Variants in NMRAL1 observed in about 807,000 individuals in gnomAD.
The protein encoded by NMRAL1 is NmrA like redox sensor 1, also known as nmrA-like family domain-containing protein 1.
Under a neutral mutation model 27.5 loss-of-function variants are expected in NMRAL1, and 32 were observed. That is an observed-to-expected ratio of 1.16 (90% CI 0.88 to 1.56). The LOEUF is 1.56. NMRAL1 is among the 40% of genes most tolerant of loss of function. The pLI is 0.00. For synonymous variants in NMRAL1, 166 were observed against 166.8 expected, an observed-to-expected ratio of 1.00 and a Z score of 0.04; for missense variants, 420 against 392.0, an observed-to-expected ratio of 1.07 and a Z score of -0.60.
intron 2 of NMRAL1, among the ~76,000 whole-genome samples, chr16:4,472,271 G>T (rs375412967): frequency 6.6e-6 from 1 of 151,882 alleles, no homozygotes; most frequent in South Asian, 2.1e-4. Flanking sequence ...GTGAAACCCC[G>T]TCTCTACTAA....
intron 2 of NMRAL1, among the ~76,000 whole-genome samples, chr16:4,473,195 C>T (rs1398704248): frequency 6.6e-6 from 1 of 151,940 alleles, no homozygotes; most frequent in African/African-American, 2.4e-5. Flanking sequence ...TCTCAAACAC[C>T]TCAGCTCAAG....
At chr16:4,473,467 C>T (rs1256194655) in intron 2 of NMRAL1, among the ~76,000 whole-genome samples, 3 of 152,014 alleles carry the variant, frequency 2.0e-5, no homozygotes, top group African/African-American at 7.2e-5. Context: ...AAATAATATG[C>T]TATCATTTGA....
intron 5 of NMRAL1, 62 bp downstream of exon 5, chr16:4,463,598 T>A (rs780085734): frequency 9.2e-5 from 139 of 1,508,570 alleles, no homozygotes; most frequent in Non-Finnish European, 1.2e-4. Context: ...GGACACACCC[T>A]CCCTACGGGA....
intron 4 of NMRAL1, among the ~76,000 whole-genome samples, chr16:4,464,858 C>A (rs2057256920): frequency 6.6e-6 from 1 of 151,744 alleles, no homozygotes; most frequent in Admixed American, 6.6e-5. Flanking sequence ...CCTCGTGATC[C>A]GCCCTCCTCG....
chr16:4,475,483 T>G (rs1364542100), upstream of NMRAL1, among the ~76,000 whole-genome samples: 1 of 151,280 alleles, frequency 6.6e-6, no homozygotes, highest in African/African-American at 2.4e-5. Context: ...AAAATTTTTT[T>G]GTATTTTTGG....
In NMRAL1 at chr16:4,474,104, A is replaced by T; in HGVS notation, c.29T>A (p.Phe10Tyr). MVDKKLVVV[F>Y]GGTGAQGGSV... Reference sequence around the variant, plus strand: ...GGGGTTTGGCTCACCTGTGCCTCCGAAAACCACCACCAGTTTCTTGTCCAC... The same window carrying T: ...GGGGTTTGGCTCACCTGTGCCTCCGTAAACCACCACCAGTTTCTTGTCCAC... Residue 10 changes from phenylalanine to tyrosine, a missense_variant, in exon 2 of 6, where the codon TTC becomes TAC. Coordinates refer to ENST00000283429, the MANE Select transcript of NMRAL1 (RefSeq NM_020677.6). 10 of 1,612,376 alleles carry T rather than the reference A, an allele frequency of 6.2e-6. No homozygotes were observed. The highest frequency in any genetic ancestry group is 8.5e-6 in the Non-Finnish European group (10 of 1,179,172).
At chr16:4,476,058 T>C (rs1288431075), upstream of NMRAL1, 2 of 152,222 alleles carry the variant, frequency 1.3e-5, no homozygotes, top group Admixed American at 6.5e-5. Context: ...GTTTCGCAGA[T>C]TGCATTGGCA....
chr16:4,469,629 A>G, intron 2 of NMRAL1, 164 bp from the exon 3 acceptor site: 1 of 1,383,406 alleles, frequency 7.2e-7, no homozygotes, highest in Non-Finnish European at 9.5e-7. Context: ...TATTTTTTTG[A>G]GATGGAGTCT....
rs775170779 is a variant in NMRAL1 at position 4,466,197 on chromosome 16, T to G, written c.485A>C (p.His162Pro). 1 of 1,613,976 alleles carries G rather than the reference T, an allele frequency of 6.2e-7. No individual in the cohort carries two copies. Among genetic ancestry groups the G allele is most frequent in the Non-Finnish European group, 8.5e-7 (1 of 1,180,016 alleles). Residue 162 changes from histidine to proline, a missense_variant, in exon 4 of 6, where the codon CAC (histidine) becomes CCC (proline). Coordinates refer to ENST00000283429, the MANE Select transcript of NMRAL1 (RefSeq NM_020677.6). ...LPCYFENLLS[H>P]FLPQKAPDGK... The stretch of plus-strand genomic sequence containing the variant: ...GTCTGGGGCTTTCTGGGGCAAGAAG[T>G]GGGAGAGGAGGTTCTCAAAATAGCA...
rs141325916 is a variant in NMRAL1, at chr16:4,466,186, G to T, written c.496C>A (p.Gln166Lys). 1 of 1,614,076 alleles carries T rather than the reference G, an allele frequency of 6.2e-7. No individual in the cohort carries two copies. The highest frequency in any genetic ancestry group is 8.5e-7 in the Non-Finnish European group (1 of 1,180,044). Reference sequence around the variant, plus strand: ...TAGCTCTTTCCGTCTGGGGCTTTCTGGGGCAAGAAGTGGGAGAGGAGGTTC... The same window carrying T: ...TAGCTCTTTCCGTCTGGGGCTTTCTTGGGCAAGAAGTGGGAGAGGAGGTTC... ...FENLLSHFLPQKAPDGKSYLL... is the reference protein window; with the variant it reads ...FENLLSHFLPKKAPDGKSYLL... The change falls in exon 4 of 6, where the codon CAG (glutamine) becomes AAG (lysine). Residue 166 changes from glutamine (Q) to lysine (K), a missense_variant. Transcript: ENST00000283429.
rs763295684 is a variant in NMRAL1, at chr16:4,461,747, C to A, written c.*33G>T. On this transcript the variant is annotated 3_prime_UTR_variant, in exon 6 of 6. Transcript: ENST00000283429. ...TGGTGCCTCTGCCCCTCTGGTGCCC[C>A]CGATCCCCACAAGGGGCCGCGAGGC... 2.5e-6 allele frequency: 4 copies of A among 1,569,400 alleles called. No individual in the cohort carries two copies. Among genetic ancestry groups the A allele is most frequent in the Non-Finnish European group, 3.5e-6 (4 of 1,157,888 alleles).
chr16:4,471,586 G>A (rs547511693), intron 2 of NMRAL1: 3 of 137,530 alleles, frequency 2.2e-5, no homozygotes, highest in South Asian at 2.3e-4. Flanking sequence ...ACCACTGCAC[G>A]CCAGCCTGGG....
intron 5 of NMRAL1, among the ~76,000 whole-genome samples, chr16:4,462,815 G>A (rs572569916): frequency 9.8e-4 from 147 of 150,330 alleles, no homozygotes; most frequent in African/African-American, 3.2e-3. Flanking sequence ...GAGCTACCGC[G>A]CCTGACCCAA....
chr16:4,464,620 T>G lies in NMRAL1; in HGVS notation c.530-770A>C, dbSNP rs890133108. Among the ~76,000 whole-genome samples the G allele has an allele frequency of 4.7e-5, 7 of 148,848 alleles. No individual in the cohort carries two copies. In the East Asian group the frequency reaches 9.7e-4, roughly 21 times the overall value. On this transcript the variant is annotated intron_variant, in intron 4 of 5. Transcript: ENST00000283429. Reference sequence around the variant, plus strand: ...ATATCCCTGACTGCAGGTTTTTTTTTTTTTTTTTTTTTGAGATGGAGTCTC... The same window carrying G: ...ATATCCCTGACTGCAGGTTTTTTTTGTTTTTTTTTTTTGAGATGGAGTCTC...
upstream of NMRAL1, chr16:4,476,018 T>G (rs1172348131): frequency 6.6e-6 from 1 of 152,246 alleles, no homozygotes; most frequent in Non-Finnish European, 1.5e-5. Flanking sequence ...GATACAAGAC[T>G]GGTAACCGAG....
Position 4,463,720 on chromosome 16 carries a change from C to T in NMRAL1, c.660G>A (p.Thr220=), listed in dbSNP as rs546831588. 1.4e-5 allele frequency: 22 copies of T among 1,614,054 alleles called. 1 individual carries two copies. The highest frequency in any genetic ancestry group is 4.0e-5 in the African/African-American group (3 of 75,044). Reference sequence around the variant, plus strand: ...TGAGCAGGGCAGCGTACTCCTCGGCCGTGTGCCTGCAAGTGCTCAGCCCGA... The same window carrying T: ...TGAGCAGGGCAGCGTACTCCTCGGCTGTGTGCCTGCAAGTGCTCAGCCCGA... ...QNIGLSTCRH[T]AEEYAALLTK... Residue 220 remains threonine (T), a synonymous_variant, in exon 5 of 6, where the codon ACG becomes ACA. Coordinates refer to ENST00000283429, the MANE Select transcript of NMRAL1 (RefSeq NM_020677.6).
Position 4,466,188 on chromosome 16 carries a change from G to T in NMRAL1, c.494C>A (p.Pro165His). 1 of 1,614,168 alleles carries T rather than the reference G, an allele frequency of 6.2e-7. No individual in the cohort carries two copies. The highest frequency in any genetic ancestry group is 8.5e-7 in the Non-Finnish European group (1 of 1,180,026). ...GCTCTTTCCGTCTGGGGCTTTCTGG[G>T]GCAAGAAGTGGGAGAGGAGGTTCTC... ...YFENLLSHFL[P>H]QKAPDGKSYL... Residue 165 changes from proline (P) to histidine (H), a missense_variant, in exon 4 of 6, where the codon CCC becomes CAC. Physicochemically the swap from Pro to His is moderately conservative, Grantham distance 77. Coordinates refer to ENST00000283429, the MANE Select transcript of NMRAL1 (RefSeq NM_020677.6).
chr16:4,474,439 G>T, intron 1 of NMRAL1, 115 bp downstream of exon 1: 1 of 405,040 alleles, frequency 2.5e-6, no homozygotes, highest in Non-Finnish European at 4.5e-6. Context: ...GCCGCGGCCT[G>T]GGCGGGACAA....
At chr16:4,473,171 G>T (rs891437607) in intron 2 of NMRAL1, among the ~76,000 whole-genome samples, 3 of 151,908 alleles carry the variant, frequency 2.0e-5, no homozygotes, top group Non-Finnish European at 2.9e-5. Flanking sequence ...ATTTTGCCCT[G>T]TTGTTCAGGC....
Sources: allele counts gnomAD v4.1 joint callset (sites outside exome capture counted in the v4.1 genomes callset), GRCh38; gene constraint gnomAD v4.1.1; transcripts MANE v1.5; gene names NCBI Gene and HGNC (gene_info 2026-07-23, HGNC 2026-07-21).